The following INO80 variants were observed in gnomAD, a reference collection of about 807,000 sequenced individuals.
INO80 encodes chromatin-remodeling ATPase INO80.
In INO80, 20 loss-of-function variants were observed where a neutral mutation model predicts 203.4. The ratio of observed to expected loss-of-function variants is 0.10; its 90% CI spans 0.07 to 0.14. The LOEUF (loss-of-function observed/expected upper bound fraction) is 0.14. Ranked by LOEUF, INO80 falls within the 10% of genes least tolerant of loss-of-function variation. INO80 has a pLI of 1.00. For missense variants in INO80, 1,419 were observed against 1,914.4 expected, an observed-to-expected ratio of 0.74 and a Z score of 4.83; for synonymous variants, 726 against 685.2, an observed-to-expected ratio of 1.06 and a Z score of -0.93.
chr15:41,008,659 G>C (rs931651644), intron 27 of INO80, among the ~76,000 whole-genome samples: 4 of 152,092 alleles, frequency 2.6e-5, no homozygotes, highest in Non-Finnish European at 5.9e-5. Context: ...AGATTATTCT[G>C]ATAGCCTATA....
chr15:41,103,921 A>G (rs1177819531), intron 1 of INO80, among the ~76,000 whole-genome samples: 1 of 152,098 alleles, frequency 6.6e-6, no homozygotes, highest in African/African-American at 2.4e-5. Context: ...AGGCTCTTTA[A>G]AATTCATCTG....
intron 24 of INO80, among the ~76,000 whole-genome samples, chr15:41,028,210 A>T (rs1317085553): frequency 6.6e-6 from 1 of 151,820 alleles, no homozygotes. Flanking sequence ...ACCTCAGCTC[A>T]CTGCAACCTC....
intron 24 of INO80, among the ~76,000 whole-genome samples, chr15:41,029,832 C>T (rs760370863): frequency 2.0e-4 from 31 of 152,166 alleles, no homozygotes; most frequent in Non-Finnish European, 3.4e-4. Flanking sequence ...TTGTTTGTTT[C>T]CTGAAAGTGC....
In INO80 at chr15:41,116,072, G is replaced by A; in HGVS notation, c.-143C>T. 5.0e-6 allele frequency: 2 copies of A among 396,390 alleles called. No homozygotes were observed. Among genetic ancestry groups the A allele is most frequent in the Admixed American group, 4.4e-5 (1 of 22,628 alleles). 24.6% of individuals were successfully genotyped at this position (396,390 alleles called of 1,614,324 possible). A position where few individuals can be genotyped will look rare whatever the true frequency, so the allele number is the denominator to read the frequency against. ...GTCGCCCCGCCGACGGTGGAGCCGC[G>A]GTTCGCTCTCTGAGGCCGTGGGACG... On this transcript the variant is annotated 5_prime_UTR_variant, in exon 1 of 36. Coordinates refer to ENST00000648947, the MANE Select transcript of INO80 (RefSeq NM_017553.3).
At chr15:41,018,958 C>G (rs182628348) in intron 26 of INO80, 129 of 152,262 alleles carry the variant, frequency 8.5e-4, no homozygotes, top group African/African-American at 2.9e-3. Flanking sequence ...TTTAAATGAA[C>G]AAACCTATCC....
At chr15:41,050,961 T>C (rs1315574086) in intron 19 of INO80, among the ~76,000 whole-genome samples, 4 of 151,556 alleles carry the variant, frequency 2.6e-5, no homozygotes, top group Admixed American at 2.6e-4. Context: ...TGAAACCCCA[T>C]CTCTACTAAA....
At chr15:41,077,768 C>T (rs953345903) in intron 9 of INO80, among the ~76,000 whole-genome samples, 3 of 152,212 alleles carry the variant, frequency 2.0e-5, no homozygotes, top group South Asian at 4.1e-4. Context: ...ACTATGTTGC[C>T]CACACTGGTC....
At chr15:41,048,483 A>T (rs2044806935) in intron 21 of INO80, among the ~76,000 whole-genome samples, 1 of 152,232 alleles carries the variant, frequency 6.6e-6, no homozygotes, top group Admixed American at 6.5e-5. Context: ...AGATAATACA[A>T]ATTAAAAGTA....
At chr15:41,088,819 A>T (rs909588621) in intron 5 of INO80, among the ~76,000 whole-genome samples, 23 of 152,218 alleles carry the variant, frequency 1.5e-4, no homozygotes, top group Non-Finnish European at 2.8e-4. Context: ...ATTAGCATGC[A>T]CTGAGCTGTA....
Position 41,069,666 on chromosome 15 carries a change from C to T in INO80, c.1687-1G>A. The stretch of plus-strand genomic sequence containing the variant: ...AGAAAGGTCCCCAAATGTTCTCTCT[C>T]TGCAACAGAAAAACCCAGTCAGCCA... On this transcript the variant is annotated splice_acceptor_variant, in intron 13 of 35. Coordinates refer to ENST00000648947, the MANE Select transcript of INO80 (RefSeq NM_017553.3). LOFTEE classifies it high-confidence loss of function. 1 of 1,590,988 alleles carries T rather than the reference C, an allele frequency of 6.3e-7. No homozygotes were observed. The highest frequency in any genetic ancestry group is 1.1e-5 in the South Asian group (1 of 87,972).
At chr15:41,091,151 T>C (rs1359049800) in intron 5 of INO80, among the ~76,000 whole-genome samples, 1 of 152,294 alleles carries the variant, frequency 6.6e-6, no homozygotes, top group South Asian at 2.1e-4. Flanking sequence ...CTCGAACTCC[T>C]GACCTCAGGT....
Position 41,049,407 on chromosome 15 carries a change from G to A in INO80, c.2456C>T (p.Pro819Leu). The A allele has an allele frequency of 3.1e-6, 5 of 1,613,796 alleles. No homozygotes were observed. The highest frequency in any genetic ancestry group is 4.2e-6 in the Non-Finnish European group (5 of 1,179,834). The change falls in exon 21 of 36, where the codon CCG becomes CTG. Residue 819 changes from proline to leucine, a missense_variant. Physicochemically the swap from Pro to Leu is moderately conservative, Grantham distance 98. Transcript: ENST00000648947. ...AGTTTCTTGCCGTTCAAATAACTCC[G>A]GGTGATTACACACCTAAAAGGAAGG... ...VMQFRKVCNHPELFERQETWS... is the reference protein window; with the variant it reads ...VMQFRKVCNHLELFERQETWS...
intron 35 of INO80, among the ~76,000 whole-genome samples, chr15:40,981,598 A>G (rs1425742373): frequency 1.3e-5 from 2 of 152,188 alleles, no homozygotes; most frequent in South Asian, 2.1e-4. Flanking sequence ...CACTTTCTAT[A>G]CTAGTATGCC....
At chr15:41,090,337 A>C (rs1281028247) in intron 5 of INO80, among the ~76,000 whole-genome samples, 1 of 152,224 alleles carries the variant, frequency 6.6e-6, no homozygotes, top group Non-Finnish European at 1.5e-5. Flanking sequence ...GCACTTTGGT[A>C]GGCTAAGGCG....
intron 1 of INO80, among the ~76,000 whole-genome samples, chr15:41,108,553 C>G (rs1474020169): frequency 6.9e-6 from 1 of 145,220 alleles, no homozygotes; most frequent in Non-Finnish European, 1.5e-5. Context: ...GATCTCGCCA[C>G]TGCATTCCAG....
At chr15:41,022,643 T>G (rs1210315312) in intron 25 of INO80, among the ~76,000 whole-genome samples, 1 of 152,162 alleles carries the variant, frequency 6.6e-6, no homozygotes, top group Middle Eastern at 3.2e-3. Context: ...GGCTTGCAGA[T>G]GAAGCTGAAC....
intron 14 of INO80, among the ~76,000 whole-genome samples, chr15:41,064,352 C>G (rs944313224): frequency 6.6e-6 from 1 of 152,150 alleles, no homozygotes; most frequent in Non-Finnish European, 1.5e-5. Flanking sequence ...TCTAGACAAT[C>G]CTCCACTGTT....
At chr15:41,008,224 T>TACATACACACACAC (rs371635345) in intron 27 of INO80, among the ~76,000 whole-genome samples, 5 of 148,936 alleles carry the variant, frequency 3.4e-5, no homozygotes, top group African/African-American at 1.2e-4. Context: ...TATATATACA[T>TACATACACACACAC]ACACACACAC....
intron 6 of INO80, among the ~76,000 whole-genome samples, 155 bp from the exon 7 acceptor site, chr15:41,085,738 G>T (rs987693184): frequency 4.6e-5 from 7 of 152,084 alleles, no homozygotes; most frequent in Non-Finnish European, 1.0e-4. Flanking sequence ...ATTCCTTGAG[G>T]AAGAAAAGTA....
Sources: gnomAD v4.1 joint callset for allele counts (sites outside exome capture counted in the v4.1 genomes callset) on GRCh38, gnomAD v4.1.1 for gene constraint, MANE v1.5 for transcripts, NCBI Gene and HGNC (gene_info 2026-07-23, HGNC 2026-07-21) for gene names.